The following SLC6A11 variants were observed in gnomAD, a reference collection of about 807,000 sequenced individuals.
SLC6A11 encodes the protein solute carrier family 6 member 11.
A neutral mutation model predicts 74.8 loss-of-function variants in SLC6A11; 25 were observed. The ratio of observed to expected loss-of-function variants is 0.33; its 90% CI spans 0.24 to 0.47. The LOEUF (loss-of-function observed/expected upper bound fraction) is 0.47. SLC6A11 is among the 20% of genes least tolerant of loss of function. The pLI is 1.00. For missense variants in SLC6A11, 574 were observed against 837.0 expected, an observed-to-expected ratio of 0.69 and a Z score of 3.88; for synonymous variants, 330 against 330.2, an observed-to-expected ratio of 1.00 and a Z score of 0.01.
intron 2 of SLC6A11, 52 bp from the exon 3 acceptor site, chr3:10,819,660 G>C: frequency 1.2e-6 from 2 of 1,610,840 alleles, no homozygotes; most frequent in Non-Finnish European, 1.7e-6. Context: ...TGCAAAGGCA[G>C]ATTGTTTTGA....
chr3:10,879,184 G>T (rs958234516), intron 6 of SLC6A11, among the ~76,000 whole-genome samples: 2 of 152,156 alleles, frequency 1.3e-5, no homozygotes, highest in Admixed American at 1.3e-4. Context: ...CACCAAATCC[G>T]TGAGCTGTAA....
At chr3:10,885,185 T>A (rs990713083) in intron 6 of SLC6A11, among the ~76,000 whole-genome samples, 1 of 152,204 alleles carries the variant, frequency 6.6e-6, no homozygotes, top group Non-Finnish European at 1.5e-5. Context: ...TTGAATGCAT[T>A]TATATTATAT....
At chr3:10,843,445 C>T (rs968888140) in intron 4 of SLC6A11, among the ~76,000 whole-genome samples, 3 of 152,196 alleles carry the variant, frequency 2.0e-5, no homozygotes, top group African/African-American at 7.2e-5. Flanking sequence ...GTTCCTTCCA[C>T]CTAAAACCGT....
chr3:10,934,711 G>GA (rs1459839249), intron 12 of SLC6A11, among the ~76,000 whole-genome samples: 2 of 152,192 alleles, frequency 1.3e-5, no homozygotes, highest in Admixed American at 6.5e-5. Flanking sequence ...GGAGTAACTA[G>GA]AAAAAATAAA....
At chr3:10,897,157 C>T (rs1695181588) in intron 6 of SLC6A11, among the ~76,000 whole-genome samples, 1 of 152,144 alleles carries the variant, frequency 6.6e-6, no homozygotes, top group Non-Finnish European at 1.5e-5. Flanking sequence ...CCACCAGATC[C>T]CTCCTATAAC....
chr3:10,823,442 G>T, intron 4 of SLC6A11, 50 bp downstream of exon 4: 1 of 1,221,222 alleles, frequency 8.2e-7, no homozygotes. Flanking sequence ...CTCTGTCCTG[G>T]TTCTGCTCAG....
intron 13 of SLC6A11, chr3:10,935,415 C>A (rs1163967625): frequency 1.5e-5 from 8 of 547,646 alleles, no homozygotes; most frequent in Non-Finnish European, 2.6e-5. Flanking sequence ...AGTCCAGCCT[C>A]TGTCTTCCTG....
At chr3:10,906,605 C>T (rs2106623073) in intron 6 of SLC6A11, among the ~76,000 whole-genome samples, 1 of 152,280 alleles carries the variant, frequency 6.6e-6, no homozygotes, top group South Asian at 2.1e-4. Flanking sequence ...AGTCTCTAAC[C>T]CCTAGGTAAG....
At chr3:10,885,424 G>A (rs1016824260) in intron 6 of SLC6A11, among the ~76,000 whole-genome samples, 11 of 152,026 alleles carry the variant, frequency 7.2e-5, no homozygotes, top group South Asian at 2.1e-4. Context: ...GTGTAAAGTC[G>A]TTCTGACTCT....
intron 8 of SLC6A11, 145 bp from the exon 9 acceptor site, chr3:10,925,859 G>T: frequency 1.5e-6 from 1 of 649,480 alleles, no homozygotes; most frequent in East Asian, 2.6e-5. Context: ...AACGCATGGG[G>T]TGGCTGGGAA....
At chr3:10,897,558 T>C (rs61607737) in intron 6 of SLC6A11, among the ~76,000 whole-genome samples, 1,675 of 152,274 alleles carry the variant, frequency 0.011, 31 homozygotes, top group African/African-American at 0.038. Context: ...CAAAATGATC[T>C]CCTTTGAATC....
chr3:10,853,432 G>A (rs1237063244), intron 5 of SLC6A11, among the ~76,000 whole-genome samples: 1 of 152,150 alleles, frequency 6.6e-6, no homozygotes, highest in Admixed American at 6.5e-5. Context: ...TGTGGAGCTG[G>A]GTCCCCTTCC....
At chr3:10,935,345 A>G (rs1213248666) in intron 13 of SLC6A11, 146 bp downstream of exon 13, 2 of 694,610 alleles carry the variant, frequency 2.9e-6, no homozygotes, top group African/African-American at 1.8e-5. Context: ...GCCAATGTTC[A>G]GTATCATGGT....
chr3:10,927,456 C>A (rs138954217), intron 9 of SLC6A11, among the ~76,000 whole-genome samples: 1 of 152,114 alleles, frequency 6.6e-6, no homozygotes. Context: ...AATAACCACA[C>A]GGGCTGGGGG....
intron 6 of SLC6A11, among the ~76,000 whole-genome samples, chr3:10,895,127 C>G (rs1695155392): frequency 6.6e-6 from 1 of 152,012 alleles, no homozygotes; most frequent in African/African-American, 2.4e-5. Context: ...TGGAAGTGCC[C>G]AGTAAAGAGA....
chr3:10,827,558 C>T (rs555425116), intron 4 of SLC6A11, among the ~76,000 whole-genome samples: 1 of 152,298 alleles, frequency 6.6e-6, no homozygotes, highest in South Asian at 2.1e-4. Context: ...CACACTGCCT[C>T]CAACTCCAGG....
rs933943715 is a variant in SLC6A11 at position 10,926,540 on chromosome 3, A to G, written c.1233+424A>G. On this transcript the variant is annotated intron_variant, in intron 9 of 13. Transcript: ENST00000254488. The surrounding 1 kb of genome is among the most constrained non-coding windows in gnomAD (Gnocchi z 5.7). Reference sequence around the variant, plus strand: ...CCATCCCAACCCAATCATTGAGGACACGGACACATAGAAAAGCACCTCCTC... The same window carrying G: ...CCATCCCAACCCAATCATTGAGGACGCGGACACATAGAAAAGCACCTCCTC... Among the ~76,000 whole-genome samples, 4 of 152,226 alleles carry G rather than the reference A, an allele frequency of 2.6e-5. No individual in the cohort carries two copies. The highest frequency in any genetic ancestry group is 1.9e-4 in the East Asian group (1 of 5,160).
At chr3:10,929,769 T>C (rs879280303) in intron 10 of SLC6A11, among the ~76,000 whole-genome samples, 9 of 152,226 alleles carry the variant, frequency 5.9e-5, no homozygotes, top group Admixed American at 3.3e-4. Flanking sequence ...CATGATGATA[T>C]TGGCACCTTT....
chr3:10,832,176 C>T (rs570993557), intron 4 of SLC6A11, among the ~76,000 whole-genome samples: 36 of 152,320 alleles, frequency 2.4e-4, no homozygotes, highest in African/African-American at 8.2e-4. Flanking sequence ...TCCCAGAACC[C>T]AAAGCCAGCC....
Sources: allele counts gnomAD v4.1 joint callset (sites outside exome capture counted in the v4.1 genomes callset), GRCh38; gene constraint gnomAD v4.1.1; non-coding constraint Gnocchi (gnomAD v3.1); transcripts MANE v1.5; gene names NCBI Gene and HGNC (gene_info 2026-07-23, HGNC 2026-07-21).